Variants in DSCAM observed in about 807,000 individuals in gnomAD.
The protein encoded by DSCAM is DS cell adhesion molecule.
In DSCAM, 47 loss-of-function variants were observed where a neutral mutation model predicts 217.7. The observed-to-expected ratio is 0.22, with a 90% CI of 0.17 to 0.28. The LOEUF (loss-of-function observed/expected upper bound fraction) is 0.28. DSCAM is among the 10% of genes least tolerant of loss of function. The pLI is 1.00. For synonymous variants in DSCAM, 1,056 were observed against 1,015.3 expected (o/e 1.04, Z -0.76); for missense variants, 2,080 against 2,618.3 (o/e 0.79, Z 4.49).
intron 16 of DSCAM, among the ~76,000 whole-genome samples, chr21:40,162,211 T>C (rs934075450): frequency 9.8e-5 from 15 of 152,292 alleles, no homozygotes; most frequent in Admixed American, 5.2e-4. Context: ...CTTCAGAACT[T>C]GGGTAAGTTC....
At chr21:40,244,354 G>A (rs2146948041) in intron 11 of DSCAM, among the ~76,000 whole-genome samples, 1 of 151,934 alleles carries the variant, frequency 6.6e-6, no homozygotes, top group African/African-American at 2.4e-5. Flanking sequence ...GGGAGGCTGA[G>A]GCAGGAGAAT....
At chr21:40,374,449 A>G (rs1340911319) in intron 3 of DSCAM, among the ~76,000 whole-genome samples, 1 of 152,230 alleles carries the variant, frequency 6.6e-6, no homozygotes, top group Non-Finnish European at 1.5e-5. Flanking sequence ...TGAATTTTAC[A>G]TCATAATTCT....
chr21:40,130,408 C>A (rs1038734097), intron 19 of DSCAM, among the ~76,000 whole-genome samples: 12 of 152,124 alleles, frequency 7.9e-5, no homozygotes, highest in Admixed American at 2.0e-4. Flanking sequence ...GGAAAGAGAA[C>A]GTGAACTGTG....
chr21:40,792,112 G>T (rs551052218), intron 1 of DSCAM, among the ~76,000 whole-genome samples: 1 of 149,572 alleles, frequency 6.7e-6, no homozygotes, highest in East Asian at 2.0e-4. Flanking sequence ...TTTGTGTCCC[G>T]GTGTCCTAAT....
chr21:40,624,505 C>G (rs963904995), intron 3 of DSCAM, among the ~76,000 whole-genome samples: 1 of 152,150 alleles, frequency 6.6e-6, no homozygotes, highest in Non-Finnish European at 1.5e-5. Context: ...ACAGAGCAGC[C>G]TCATCTCCAA....
At chr21:40,599,937 C>T (rs1338097178) in intron 3 of DSCAM, among the ~76,000 whole-genome samples, 1 of 152,188 alleles carries the variant, frequency 6.6e-6, no homozygotes, top group African/African-American at 2.4e-5. Context: ...AGACCAATAA[C>T]AAGTTCTGAA....
At chr21:40,702,878 A>G (rs1465561059) in intron 2 of DSCAM, among the ~76,000 whole-genome samples, 2 of 152,188 alleles carry the variant, frequency 1.3e-5, no homozygotes, top group Admixed American at 6.5e-5. Context: ...CACATATAGC[A>G]AAATAACCTC....
At position 40,312,238 on chromosome 21, in the gene DSCAM, C is replaced by T. The variant is rs2074146984; in HGVS notation, c.1905G>A (p.Arg635=). 1 of 1,613,996 alleles carries T rather than the reference C, an allele frequency of 6.2e-7. No homozygotes were observed. The highest frequency in any genetic ancestry group is 8.5e-7 in the Non-Finnish European group (1 of 1,180,026). ...TCACCCCAAGGCTCCCAGGGATTGGCCGGCCATCCTTCTGCCAGGTGATCG... is the reference window on the plus strand; with the variant it reads ...TCACCCCAAGGCTCCCAGGGATTGGTCGGCCATCCTTCTGCCAGGTGATCG... ...PITITWQKDG[R]PIPGSLGVTI... The change falls in exon 9 of 33, where the codon CGG becomes CGA. Residue 635 remains arginine (R), a synonymous_variant. Transcript: ENST00000400454.
chr21:40,439,747 C>T (rs2075614464), intron 3 of DSCAM, among the ~76,000 whole-genome samples: 1 of 152,190 alleles, frequency 6.6e-6, no homozygotes, highest in Admixed American at 6.5e-5. Flanking sequence ...TCATGTCTTA[C>T]ATGGATGGCA....
chr21:40,372,971 C>A (rs1601594903), intron 3 of DSCAM, among the ~76,000 whole-genome samples: 1 of 152,008 alleles, frequency 6.6e-6, no homozygotes, highest in East Asian at 2.0e-4. Context: ...GGACACAAAA[C>A]TACCAAAGAA....
At chr21:40,584,564 A>G (rs1303017761) in intron 3 of DSCAM, among the ~76,000 whole-genome samples, 2 of 152,190 alleles carry the variant, frequency 1.3e-5, no homozygotes, top group Non-Finnish European at 2.9e-5. Flanking sequence ...GTGCTTTTAC[A>G]TTCATCAACA....
chr21:40,156,288 A>G (rs1568972286), intron 16 of DSCAM, among the ~76,000 whole-genome samples: 2 of 7,832 alleles, frequency 2.6e-4, no homozygotes, highest in Non-Finnish European at 4.4e-4. Flanking sequence ...AAACTAAGAC[A>G]GAGAGAGAGA....
At chr21:40,544,159 G>T (rs1028489783) in intron 3 of DSCAM, among the ~76,000 whole-genome samples, 1 of 152,024 alleles carries the variant, frequency 6.6e-6, no homozygotes, top group Non-Finnish European at 1.5e-5. Flanking sequence ...CAGGCAGGTG[G>T]GCTGAAAATA....
chr21:40,657,797 A>C (rs944601650), intron 3 of DSCAM, among the ~76,000 whole-genome samples: 2 of 152,150 alleles, frequency 1.3e-5, no homozygotes, highest in African/African-American at 4.8e-5. Flanking sequence ...TTGGATACCG[A>C]TGAATAACTA....
intron 11 of DSCAM, among the ~76,000 whole-genome samples, chr21:40,260,245 A>G (rs2146977423): frequency 6.6e-6 from 1 of 152,300 alleles, no homozygotes; most frequent in South Asian, 2.1e-4. Flanking sequence ...CAGTAGCCAA[A>G]CGGATAGCCA....
chr21:40,134,823 G>GA (rs1427490286), intron 18 of DSCAM, among the ~76,000 whole-genome samples: 1 of 152,182 alleles, frequency 6.6e-6, no homozygotes, highest in Admixed American at 6.5e-5. Flanking sequence ...ATTTAAATAA[G>GA]AAAAAAATAC....
At chr21:40,456,303 A>G (rs554015087) in intron 3 of DSCAM, among the ~76,000 whole-genome samples, 1 of 151,974 alleles carries the variant, frequency 6.6e-6, no homozygotes, top group African/African-American at 2.4e-5. Flanking sequence ...AAAATTTTTT[A>G]GAGTTCACTT....
chr21:40,650,621 A>G (rs1364212446), intron 3 of DSCAM, among the ~76,000 whole-genome samples: 2 of 144,362 alleles, frequency 1.4e-5, no homozygotes, highest in African/African-American at 4.9e-5. Flanking sequence ...CTTCATTAAT[A>G]AAGAAGTGGG....
intron 3 of DSCAM, among the ~76,000 whole-genome samples, chr21:40,573,919 C>T (rs539975668): frequency 2.0e-5 from 3 of 152,184 alleles, no homozygotes; most frequent in African/African-American, 7.2e-5. Context: ...CTTATCACAA[C>T]TGATGCAAGA....
Sources: allele counts gnomAD v4.1 joint callset (sites outside exome capture counted in the v4.1 genomes callset), GRCh38; gene constraint gnomAD v4.1.1; transcripts MANE v1.5; gene names NCBI Gene and HGNC (gene_info 2026-07-23, HGNC 2026-07-21).